Variants in NEDD9 observed in about 807,000 individuals in gnomAD.
The protein encoded by NEDD9 is neural precursor cell expressed, developmentally down-regulated 9.
A neutral mutation model predicts 76.6 loss-of-function variants in NEDD9; 26 were observed. The ratio of observed to expected loss-of-function variants is 0.34; its 90% CI spans 0.25 to 0.47. The LOEUF is 0.47. Ranked by LOEUF, NEDD9 falls within the 20% of genes least tolerant of loss-of-function variation. The probability of loss-of-function intolerance (pLI) is 1.00; values close to 1 mark genes in which losing one functional copy is unlikely to be tolerated. For synonymous variants in NEDD9, 392 were observed against 414.2 expected (o/e 0.95, Z 0.65); for missense variants, 937 against 1,058.5 (o/e 0.89, Z 1.59).
rs373010452 is a variant in NEDD9, at chr6:11,368,463, A to G, written c.-214+13676T>C. Among the ~76,000 whole-genome samples, 37 of 152,332 alleles carry G rather than the reference A, an allele frequency of 2.4e-4. No individual in the cohort carries two copies. In the East Asian group the frequency reaches 6.6e-3, roughly 27 times the overall value. On this transcript the variant is annotated intron_variant, in intron 1 of 3. Coordinates refer to the NEDD9 transcript ENST00000397378. ...TACTAATCAACACACAATAAAACAAATGATCGCCATGGTTTTCCAACTTTA... is the reference window on the plus strand; with the variant it reads ...TACTAATCAACACACAATAAAACAAGTGATCGCCATGGTTTTCCAACTTTA...
intron 3 of NEDD9, among the ~76,000 whole-genome samples, chr6:11,239,070 G>C (rs1759660481): frequency 6.6e-6 from 1 of 152,128 alleles, no homozygotes; most frequent in African/African-American, 2.4e-5. Flanking sequence ...AGGAGGCTGA[G>C]GGGGGAGGAT....
At chr6:11,197,860 G>C (rs1257288880) in intron 2 of NEDD9, among the ~76,000 whole-genome samples, 1 of 152,162 alleles carries the variant, frequency 6.6e-6, no homozygotes, top group Non-Finnish European at 1.5e-5. Flanking sequence ...AAATTTTAAA[G>C]AGGAGGGTCT....
chr6:11,249,086 G>A (rs1759863396), intron 3 of NEDD9: 1 of 455,340 alleles, frequency 2.2e-6, no homozygotes, highest in African/African-American at 2.0e-5. Flanking sequence ...CCACGTATTT[G>A]GTCAGACATT....
chr6:11,348,599 T>C (rs541694196), intron 1 of NEDD9, among the ~76,000 whole-genome samples: 2 of 152,182 alleles, frequency 1.3e-5, no homozygotes, highest in South Asian at 4.1e-4. Context: ...TGGAACAGAA[T>C]AGAGAGCTCA....
Position 11,190,869 on chromosome 6 carries a change from C to T in NEDD9, c.1000G>A (p.Glu334Lys), listed in dbSNP as rs1199658959. 1 of 1,614,128 alleles carries T rather than the reference C, an allele frequency of 6.2e-7. No individual in the cohort carries two copies. The highest frequency in any genetic ancestry group is 1.1e-5 in the South Asian group (1 of 91,072). ...QFLEPPAETS[E>K]KANPQERDGV... is the part of the protein sequence containing the mutation. The stretch of plus-strand genomic sequence containing the variant: ...TCCCTTTCCTGGGGGTTTGCTTTCT[C>T]ACTGGTTTCTGCTGGTGGCTCAAGA... The change falls in exon 5 of 7, where the codon GAG becomes AAG. Residue 334 changes from glutamate (E) to lysine (K), a missense_variant. Physicochemically the swap from Glu to Lys is moderately conservative, Grantham distance 56. Transcript: ENST00000379446. The surrounding 1 kb of genome is among the most constrained non-coding windows in gnomAD (Gnocchi z 5.8).
chr6:11,328,174 C>T (rs944536919), intron 2 of NEDD9, among the ~76,000 whole-genome samples: 3 of 152,258 alleles, frequency 2.0e-5, no homozygotes, highest in Non-Finnish European at 2.9e-5. Context: ...CCTGGGAGTG[C>T]GTGCATTGGT....
rs768801279 is a variant in NEDD9 at position 11,192,459 on chromosome 6, C to T, written c.562-13G>A. 9.5e-6 allele frequency: 15 copies of T among 1,578,498 alleles called. No homozygotes were observed. In the East Asian group the frequency reaches 3.4e-4, roughly 36 times the overall value. ...GGATGTCGTATACCTGAAGAGAAACCCGTGAGTTACCCAGAATGGAAATGT... is the reference window on the plus strand; with the variant it reads ...GGATGTCGTATACCTGAAGAGAAACTCGTGAGTTACCCAGAATGGAAATGT... On this transcript the variant is annotated splice_polypyrimidine_tract_variant and intron_variant, in intron 3 of 6. Transcript: ENST00000379446.
At chr6:11,244,047 C>A (rs542922217) in intron 3 of NEDD9, among the ~76,000 whole-genome samples, 43 of 152,260 alleles carry the variant, frequency 2.8e-4, no homozygotes, top group African/African-American at 1.0e-3. Flanking sequence ...ATACCCTCCA[C>A]CATGTGGGTG....
At chr6:11,210,739 G>GGGAGAGGGAA (rs1758760526) in intron 2 of NEDD9, among the ~76,000 whole-genome samples, 1 of 148,974 alleles carries the variant, frequency 6.7e-6, no homozygotes, top group South Asian at 2.2e-4. Flanking sequence ...GAGGAAGGGA[G>GGGAGAGGGAA]GGAGAGGGAA....
intron 2 of NEDD9, among the ~76,000 whole-genome samples, chr6:11,315,419 A>G (rs7743486): frequency 0.078 from 11,929 of 152,296 alleles, 604 homozygotes; most frequent in Admixed American, 0.16. Context: ...GATTCTAATG[A>G]GGTTGCCTGT....
rs1170032099 is a variant in NEDD9, at chr6:11,355,799, C to T, written c.-213-21238G>A. 4.6e-5 allele frequency among the ~76,000 whole-genome samples: 7 copies of T among 152,122 alleles called. No individual in the cohort carries two copies. The East Asian group carries it at 1.2e-3, about 25-fold the overall frequency. On this transcript the variant is annotated intron_variant, in intron 1 of 3. Coordinates refer to the NEDD9 transcript ENST00000397378. Reference sequence around the variant, plus strand: ...GCAGTGGCGCGATCTCCGCTCACTGCAAGCTCCGCCTCCTGTGTTCACACC... The same window carrying T: ...GCAGTGGCGCGATCTCCGCTCACTGTAAGCTCCGCCTCCTGTGTTCACACC...
chr6:11,315,636 C>A (rs1160061923), intron 2 of NEDD9, among the ~76,000 whole-genome samples: 1 of 152,154 alleles, frequency 6.6e-6, no homozygotes, highest in Non-Finnish European at 1.5e-5. Context: ...TATAGCTTTG[C>A]AAATGACTTT....
chr6:11,369,881 T>A (rs1367879955), intron 1 of NEDD9, among the ~76,000 whole-genome samples: 1 of 152,222 alleles, frequency 6.6e-6, no homozygotes, highest in Non-Finnish European at 1.5e-5. Flanking sequence ...TTGGATTGTG[T>A]TCATGTTTTC....
chr6:11,200,519 A>G, intron 2 of NEDD9: 1 of 1,084,766 alleles, frequency 9.2e-7, no homozygotes. Flanking sequence ...CTTGCTTTCT[A>G]ATGTGATAAG....
chr6:11,379,676 A>C (rs1010780106), intron 1 of NEDD9, among the ~76,000 whole-genome samples: 4 of 152,150 alleles, frequency 2.6e-5, no homozygotes, highest in Non-Finnish European at 2.9e-5. Context: ...TAAAAAAAAA[A>C]CAGGCCGTTG....
rs997756904 is a variant in NEDD9 at position 11,184,146 on chromosome 6, C to T, written c.*1016G>A. On this transcript the variant is annotated 3_prime_UTR_variant, in exon 7 of 7. Transcript: ENST00000379446. The stretch of plus-strand genomic sequence containing the variant: ...ATTCCCTTAGAGAGCAGGATATGTC[C>T]TGGTAGCTCTATAGTTCCATGATCA... 4.6e-5 allele frequency: 7 copies of T among 152,124 alleles called. No individual in the cohort carries two copies. The highest frequency in any genetic ancestry group is 1.4e-4 in the African/African-American group (6 of 41,404). 9.4% of individuals were successfully genotyped at this position (152,124 alleles called of 1,614,324 possible).
At chr6:11,341,759 A>G (rs1762277297) in intron 1 of NEDD9, among the ~76,000 whole-genome samples, 2 of 152,348 alleles carry the variant, frequency 1.3e-5, no homozygotes, top group South Asian at 2.1e-4. Flanking sequence ...CACAATGCCC[A>G]GTATTCAATG....
At chr6:11,308,127 A>G (rs949971855) in intron 2 of NEDD9, among the ~76,000 whole-genome samples, 1 of 152,074 alleles carries the variant, frequency 6.6e-6, no homozygotes, top group East Asian at 1.9e-4. Flanking sequence ...GTAAAAGGCC[A>G]TGGGTGAAGG....
In NEDD9 at chr6:11,241,551, G is replaced by A. The variant is rs1414142208; in HGVS notation, c.13-27824C>T. Among the ~76,000 whole-genome samples, 4 of 152,100 alleles carry A rather than the reference G, an allele frequency of 2.6e-5. No homozygotes were observed. Among genetic ancestry groups the A allele is most frequent in the African/African-American group, 7.2e-5 (3 of 41,402 alleles). On this transcript the variant is annotated intron_variant, in intron 3 of 3. Transcript: ENST00000397378. This position sits in a 1 kb window ranked among gnomAD's most constrained non-coding sequence, Gnocchi z 4.0. ...CTTCCGAGCTTTGCCATTCTCCAGC[G>A]CACACTGGCCTCCGGAAGCCATCTT...
Sources: gnomAD v4.1 joint callset for allele counts (sites outside exome capture counted in the v4.1 genomes callset) on GRCh38, gnomAD v4.1.1 for gene constraint, Gnocchi (gnomAD v3.1) non-coding constraint, MANE v1.5 for transcripts, NCBI Gene and HGNC (gene_info 2026-07-23, HGNC 2026-07-21) for gene names.